Variants in PRR16 observed in about 807,000 individuals in gnomAD.
PRR16 encodes the protein proline rich 16, also known as protein Largen.
A neutral mutation model predicts 18.2 loss-of-function variants in PRR16; 6 were observed. The observed-to-expected ratio is 0.33, with a 90% CI of 0.18 to 0.65. The LOEUF (loss-of-function observed/expected upper bound fraction) is 0.65. Ranked by LOEUF, PRR16 falls within the 30% of genes least tolerant of loss-of-function variation. The pLI, the probability that PRR16 is intolerant of heterozygous loss-of-function variation, is 0.74. For missense variants in PRR16, 412 were observed against 376.6 expected (o/e 1.09, Z -0.78); for synonymous variants, 151 against 147.8 (o/e 1.02, Z -0.16).
intron 1 of PRR16, among the ~76,000 whole-genome samples, chr5:120,600,534 C>A (rs1212730996): frequency 2.0e-5 from 3 of 151,794 alleles, no homozygotes; most frequent in East Asian, 3.9e-4. Context: ...TGATATAGTT[C>A]TTTTTTTCCC....
chr5:120,706,426 T>C, the PRR16 span, among the ~76,000 whole-genome samples: 25 of 152,272 alleles, frequency 1.6e-4, no homozygotes, highest in Non-Finnish European at 3.2e-4. Flanking sequence ...TGGATAGAAA[T>C]AGCACTTGCT....
intron 1 of PRR16, among the ~76,000 whole-genome samples, chr5:120,501,931 G>C (rs1029204987): frequency 2.2e-5 from 3 of 139,116 alleles, no homozygotes; most frequent in Admixed American, 7.5e-5. Context: ...ACTCCAGCCT[G>C]GGCGACAGAG....
chr5:120,764,662 G>A, the PRR16 span, among the ~76,000 whole-genome samples: 2 of 149,530 alleles, frequency 1.3e-5, no homozygotes, highest in African/African-American at 2.5e-5. Context: ...TTATTTTAGT[G>A]TTGACAACTG....
chr5:120,579,512 C>T (rs115745061), intron 1 of PRR16, among the ~76,000 whole-genome samples: 1 of 152,250 alleles, frequency 6.6e-6, no homozygotes, highest in South Asian at 2.1e-4. Flanking sequence ...TTAGGAGATC[C>T]TTTCCCGTTT....
intron 1 of PRR16, among the ~76,000 whole-genome samples, chr5:120,632,578 A>T (rs760589109): frequency 9.9e-5 from 15 of 152,172 alleles, no homozygotes; most frequent in Non-Finnish European, 1.8e-4. Context: ...GAAAAACGCA[A>T]AATGCACCAG....
At chr5:120,667,828 T>C in intron 1 of PRR16, among the ~76,000 whole-genome samples, 1 of 152,204 alleles carries the variant, frequency 6.6e-6, no homozygotes, top group Non-Finnish European at 1.5e-5. Context: ...GACCGTTTGT[T>C]ATAATCTCTG....
intron 1 of PRR16, among the ~76,000 whole-genome samples, chr5:120,537,768 TG>T (rs372537069): frequency 9.3e-4 from 45 of 48,378 alleles, no homozygotes; most frequent in African/African-American, 2.5e-3. Flanking sequence ...GAATTTTTAA[TG>T]TTTTTTTTTT....
chr5:120,575,354 C>T (rs568715541), intron 1 of PRR16, among the ~76,000 whole-genome samples: 1 of 150,376 alleles, frequency 6.6e-6, no homozygotes, highest in East Asian at 2.0e-4. Flanking sequence ...CACACACACA[C>T]GAAAACTACC....
the PRR16 span, chr5:120,790,887 T>C: frequency 6.6e-6 from 1 of 152,110 alleles, no homozygotes; most frequent in Non-Finnish European, 1.5e-5. Context: ...ATGGATTTGA[T>C]TTTAAAACAA....
At chr5:120,485,809 C>T (rs902561056) in intron 1 of PRR16, among the ~76,000 whole-genome samples, 1 of 152,124 alleles carries the variant, frequency 6.6e-6, no homozygotes, top group Admixed American at 6.6e-5. Flanking sequence ...CTCCCCCGAC[C>T]CCACAACAGT....
chr5:120,716,312 C>G, the PRR16 span, among the ~76,000 whole-genome samples: 2 of 152,154 alleles, frequency 1.3e-5, no homozygotes, highest in Admixed American at 6.6e-5. Flanking sequence ...TTCTTCGAAT[C>G]AAGTGAATTC....
chr5:120,512,528 C>T (rs1301910696), intron 1 of PRR16, among the ~76,000 whole-genome samples: 6 of 151,978 alleles, frequency 3.9e-5, no homozygotes, highest in Non-Finnish European at 8.8e-5. Context: ...TGGTTTCTGG[C>T]GGCATAGAAA....
chr5:120,635,265 A>G (rs1425355959), intron 1 of PRR16, among the ~76,000 whole-genome samples: 1 of 152,196 alleles, frequency 6.6e-6, no homozygotes, highest in Non-Finnish European at 1.5e-5. Flanking sequence ...AAATCATTTT[A>G]TGAAGCCAAT....
the PRR16 span, among the ~76,000 whole-genome samples, chr5:120,781,908 A>G: frequency 6.6e-6 from 1 of 152,182 alleles, no homozygotes. Context: ...TAAAGGGAAA[A>G]GGTTGCAAGA....
the PRR16 span, among the ~76,000 whole-genome samples, chr5:120,727,150 T>A: frequency 6.6e-6 from 1 of 152,004 alleles, no homozygotes; most frequent in Non-Finnish European, 1.5e-5. Flanking sequence ...CTCACTGGTA[T>A]TTTCTTTTAC....
intron 1 of PRR16, among the ~76,000 whole-genome samples, chr5:120,519,598 C>T (rs1561528032): frequency 6.6e-6 from 1 of 152,010 alleles, no homozygotes; most frequent in Non-Finnish European, 1.5e-5. Flanking sequence ...GTTAAAAGGC[C>T]AGTTTTCTTT....
At chr5:120,764,030 A>G in the PRR16 span, among the ~76,000 whole-genome samples, 1 of 152,108 alleles carries the variant, frequency 6.6e-6, no homozygotes, top group East Asian at 1.9e-4. Context: ...CTTCACGTTT[A>G]TAAGTTTAGA....
At chr5:120,772,406 A>C in the PRR16 span, among the ~76,000 whole-genome samples, 436 of 152,226 alleles carry the variant, frequency 2.9e-3, 6 homozygotes, top group African/African-American at 9.7e-3. Flanking sequence ...ATACAATAGT[A>C]CCTGACATAT....
chr5:120,497,514 C>G lies in PRR16; in HGVS notation c.159+32869C>G, dbSNP rs113251181. On this transcript the variant is annotated intron_variant, in intron 1 of 1. Transcript: ENST00000407149. ...ACACGATTCTCCTGCCTCAGCCTCC[C>G]AAGTAGCTGGGATTACAGGTGCACA... is the stretch of plus-strand genomic sequence containing the variant. Among the ~76,000 whole-genome samples the G allele has an allele frequency of 3.3e-3, 504 of 151,158 alleles. 4 individuals carry two copies. Among genetic ancestry groups the G allele is most frequent in the Admixed American group, 8.4e-3 (127 of 15,148 alleles).
Sources: allele counts gnomAD v4.1 joint callset (sites outside exome capture counted in the v4.1 genomes callset), GRCh38; gene constraint gnomAD v4.1.1; transcripts MANE v1.5; gene names NCBI Gene and HGNC (gene_info 2026-07-23, HGNC 2026-07-21).